Variants in TANC1 observed in about 807,000 individuals in gnomAD.
The protein encoded by TANC1 is tetratricopeptide repeat, ankyrin repeat and coiled-coil containing 1, also known as protein TANC1.
In TANC1, 77 loss-of-function variants were observed where a neutral mutation model predicts 149.7. The observed-to-expected ratio is 0.51, with a 90% confidence interval of 0.43 to 0.62. The LOEUF (loss-of-function observed/expected upper bound fraction) is 0.62, where lower values mean the gene tolerates loss of function less well. Among genes scored for constraint, TANC1 ranks in the 20% least tolerant of loss-of-function variants. The pLI, the probability that TANC1 is intolerant of heterozygous loss-of-function variation, is 0.00. For synonymous variants in TANC1, 854 were observed against 925.0 expected (o/e 0.92, Z 1.39); for missense variants, 1,985 against 2,321.8 (o/e 0.85, Z 2.98).
chr2:159,090,527 A>T (rs2045414880), intron 3 of TANC1, among the ~76,000 whole-genome samples: 1 of 152,112 alleles, frequency 6.6e-6, no homozygotes, highest in Non-Finnish European at 1.5e-5. Flanking sequence ...CTCTGTGTGG[A>T]GGGTGTTGGA....
At chr2:159,016,621 G>A (rs1265892042) in intron 2 of TANC1, among the ~76,000 whole-genome samples, 2 of 151,090 alleles carry the variant, frequency 1.3e-5, no homozygotes, top group Non-Finnish European at 2.9e-5. Context: ...GTCACCCAGG[G>A]TGGAGTGCAG....
intron 3 of TANC1, among the ~76,000 whole-genome samples, chr2:159,078,781 AACTT>A (rs1368463713): frequency 2.0e-5 from 3 of 152,214 alleles, no homozygotes; most frequent in African/African-American, 7.2e-5. Context: ...GGTTTCAAAA[AACTT>A]AAGTAACGTA....
rs79869282 is a variant in TANC1, at chr2:159,029,101, G to C, written c.-16+27912G>C. Among the ~76,000 whole-genome samples the C allele has an allele frequency of 2.2e-3, 331 of 152,256 alleles. 3 individuals are homozygous for C. The highest frequency in any genetic ancestry group is 7.3e-3 in the African/African-American group (305 of 41,542). On this transcript the variant is annotated intron_variant, in intron 2 of 26. Transcript: ENST00000263635. Reference sequence around the variant, plus strand: ...CCTCATAAGAGTGGAATCGTGTGCTGTTTATCCTTCTGTGACTGTTTTATT... The same window carrying C: ...CCTCATAAGAGTGGAATCGTGTGCTCTTTATCCTTCTGTGACTGTTTTATT...
At chr2:159,224,082 G>A in intron 22 of TANC1, 150 bp from the exon 23 acceptor site, 2 of 929,538 alleles carry the variant, frequency 2.2e-6, no homozygotes, top group Admixed American at 2.3e-5. Flanking sequence ...CCTCTTCTCT[G>A]TTTCGTGTCC....
intron 1 of TANC1, among the ~76,000 whole-genome samples, chr2:158,993,734 C>G (rs2035889062): frequency 6.6e-6 from 1 of 152,148 alleles, no homozygotes; most frequent in Non-Finnish European, 1.5e-5. Flanking sequence ...CTCCCCTGAA[C>G]TTTCTCTTCT....
chr2:159,150,663 G>T, intron 7 of TANC1, 107 bp downstream of exon 7: 1 of 797,546 alleles, frequency 1.3e-6, no homozygotes, highest in Non-Finnish European at 2.1e-6. Flanking sequence ...AGGTCAGTCT[G>T]CCAGCGCCTG....
chr2:159,199,075 G>A, intron 19 of TANC1, 22 bp downstream of exon 19: 1 of 1,583,532 alleles, frequency 6.3e-7, no homozygotes, highest in Non-Finnish European at 8.7e-7. Context: ...GCCACTGCTT[G>A]TAGTCTGGGG....
At position 158,984,399 on chromosome 2, in the gene TANC1, A is replaced by T. The variant is rs545929019; in HGVS notation, c.-126+15617A>T. Among the ~76,000 whole-genome samples the T allele has an allele frequency of 3.3e-5, 5 of 152,336 alleles. No individual in the cohort carries two copies. The East Asian group carries it at 7.7e-4, about 24-fold the overall frequency. ...TTCACAAGGCTTTTTTGCTTCCTTCATAAGAGTGGTGTTAGCCAACTCAAC... is the reference window on the plus strand; with the variant it reads ...TTCACAAGGCTTTTTTGCTTCCTTCTTAAGAGTGGTGTTAGCCAACTCAAC... On this transcript the variant is annotated intron_variant, in intron 1 of 26. Coordinates refer to ENST00000263635, the MANE Select transcript of TANC1 (RefSeq NM_033394.3).
intron 2 of TANC1, among the ~76,000 whole-genome samples, chr2:159,003,756 G>A (rs982893896): frequency 4.6e-5 from 7 of 152,184 alleles, no homozygotes; most frequent in Non-Finnish European, 7.3e-5. Flanking sequence ...CGCAGTCGTC[G>A]TCTTTCTCTG....
At chr2:159,033,081 G>A (rs746347868) in intron 2 of TANC1, among the ~76,000 whole-genome samples, 1 of 152,174 alleles carries the variant, frequency 6.6e-6, no homozygotes, top group South Asian at 2.1e-4. Flanking sequence ...AATATACTGA[G>A]CCCTGCAAAA....
chr2:159,087,154 C>A (rs1456701531), intron 3 of TANC1, among the ~76,000 whole-genome samples: 1 of 112,000 alleles, frequency 8.9e-6, no homozygotes, highest in Admixed American at 9.1e-5. Context: ...TCAAAAAGCC[C>A]GTTCCTGAAA....
intron 2 of TANC1, among the ~76,000 whole-genome samples, chr2:159,064,203 G>A (rs1309713941): frequency 1.3e-5 from 2 of 152,174 alleles, no homozygotes; most frequent in Admixed American, 6.5e-5. Flanking sequence ...CTTGTTAAGA[G>A]AAGTTTGTGT....
At position 159,050,438 on chromosome 2, in the gene TANC1, C is replaced by T. The variant is rs139115068; in HGVS notation, c.-15-15458C>T. Among the ~76,000 whole-genome samples the T allele has an allele frequency of 2.1e-3, 324 of 152,276 alleles. 2 individuals carry two copies. Among genetic ancestry groups the T allele is most frequent in the Middle Eastern group, 0.01 (3 of 294 alleles). The stretch of plus-strand genomic sequence containing the variant: ...TATCAGAACAGCGTTGCAGTTTTGC[C>T]ATTTAGCTTTAGGCCCCATGCTGTG... On this transcript the variant is annotated intron_variant, in intron 2 of 26. Transcript: ENST00000263635.
intron 3 of TANC1, among the ~76,000 whole-genome samples, chr2:159,082,952 C>G (rs1302274903): frequency 6.6e-6 from 1 of 151,954 alleles, no homozygotes; most frequent in Non-Finnish European, 1.5e-5. Flanking sequence ...TATTTTTATT[C>G]TTTATTTATT....
chr2:159,181,209 TAG>T (rs1189493553), intron 14 of TANC1, among the ~76,000 whole-genome samples: 1 of 152,172 alleles, frequency 6.6e-6, no homozygotes, highest in East Asian at 1.9e-4. Context: ...TTAGAAGTCT[TAG>T]AAAAGTGTCA....
chr2:159,159,819 C>G (rs763684615), intron 7 of TANC1, among the ~76,000 whole-genome samples: 1 of 151,278 alleles, frequency 6.6e-6, no homozygotes, highest in Non-Finnish European at 1.5e-5. Flanking sequence ...CTCAGCCTAT[C>G]TGCCTCCTCT....
Position 159,229,655 on chromosome 2 carries a change from T to C in TANC1, c.4229T>C (p.Leu1410Pro). Reference protein sequence around the residue: ...CPTNQEVKRLLARVEEECKQL... With the variant: ...CPTNQEVKRLPARVEEECKQL... Reference sequence around the variant, plus strand: ...ACCAATCAGGAAGTCAAGAGGCTTCTGGCCCGCGTAGAAGAGGAGTGCAAA... The same window carrying C: ...ACCAATCAGGAAGTCAAGAGGCTTCCGGCCCGCGTAGAAGAGGAGTGCAAA... Residue 1410 changes from leucine to proline, a missense_variant, in exon 27 of 27, where the codon CTG becomes CCG. This residue lies in a region of TANC1 where 920 missense variants were observed against 994.7 expected (regional missense o/e 0.92). Coordinates refer to ENST00000263635, the MANE Select transcript of TANC1 (RefSeq NM_033394.3). 6.2e-7 allele frequency: 1 copy of C among 1,614,032 alleles called. No homozygotes were observed.
chr2:158,981,013 G>T (rs906843765), intron 1 of TANC1, among the ~76,000 whole-genome samples: 2 of 151,968 alleles, frequency 1.3e-5, no homozygotes, highest in African/African-American at 4.8e-5. Context: ...TTGTCCCATT[G>T]TTTCCTGTAT....
intron 1 of TANC1, among the ~76,000 whole-genome samples, chr2:158,974,664 C>G (rs1401504735): frequency 6.6e-6 from 1 of 152,034 alleles, no homozygotes; most frequent in Non-Finnish European, 1.5e-5. Context: ...AACTCCTGAC[C>G]TCAGGTGATC....
Sources: allele counts gnomAD v4.1 joint callset (sites outside exome capture counted in the v4.1 genomes callset), GRCh38; gene constraint gnomAD v4.1.1; regional missense constraint gnomAD v4.1.1; transcripts MANE v1.5; gene names NCBI Gene and HGNC (gene_info 2026-07-23, HGNC 2026-07-21).